The following KLHL20 variants were observed in gnomAD, a reference collection of about 807,000 sequenced individuals.
KLHL20 encodes kelch-like protein 20.
A neutral mutation model predicts 69.5 loss-of-function variants in KLHL20; 29 were observed. The ratio of observed to expected loss-of-function variants is 0.42; its 90% CI spans 0.31 to 0.57. The LOEUF (loss-of-function observed/expected upper bound fraction) is 0.57. Among genes scored for constraint, KLHL20 ranks in the 20% least tolerant of loss-of-function variants. The pLI is 0.18. For synonymous variants in KLHL20, 253 were observed against 265.2 expected (o/e 0.95, Z 0.45); for missense variants, 419 against 776.0 (o/e 0.54, Z 5.47).
chr1:173,735,812 T>G (rs940365727), intron 3 of KLHL20, among the ~76,000 whole-genome samples: 11 of 152,102 alleles, frequency 7.2e-5, no homozygotes, highest in Non-Finnish European at 1.5e-4. Flanking sequence ...CTTTGCATCC[T>G]CATAGCTTAG....
chr1:173,725,062 T>C (rs1273473431), intron 2 of KLHL20, among the ~76,000 whole-genome samples: 2 of 152,124 alleles, frequency 1.3e-5, no homozygotes, highest in Non-Finnish European at 2.9e-5. Flanking sequence ...GGTGAAGTTT[T>C]TCATGATGAC....
At chr1:173,758,011 G>T (rs992513365) in intron 7 of KLHL20, among the ~76,000 whole-genome samples, 1 of 152,188 alleles carries the variant, frequency 6.6e-6, no homozygotes, top group African/African-American at 2.4e-5. Flanking sequence ...AAGTTCTAAA[G>T]ATATAGATTG....
intron 2 of KLHL20, among the ~76,000 whole-genome samples, chr1:173,725,120 T>G (rs61826814): frequency 0.099 from 15,079 of 152,134 alleles, 1,003 homozygotes; most frequent in East Asian, 0.23. Context: ...TCTTGGGCTT[T>G]TAAAAATAGT....
intron 10 of KLHL20, 105 bp from the exon 11 acceptor site, chr1:173,782,019 C>G: frequency 1.4e-6 from 1 of 738,100 alleles, no homozygotes; most frequent in Middle Eastern, 2.6e-4. Flanking sequence ...GAATGTAAGG[C>G]CATAAAGAAT....
Position 173,739,651 on chromosome 1 carries a change from T to C in KLHL20, c.597+5365T>C, listed in dbSNP as rs1237243084. Among the ~76,000 whole-genome samples the C allele has an allele frequency of 2.9e-4, 23 of 79,242 alleles. 1 individual carries two copies. The highest frequency in any genetic ancestry group is 8.3e-4 in the African/African-American group (19 of 22,852). 52.0% of individuals were successfully genotyped at this position (79,242 alleles called of 152,430 possible). A position where few individuals can be genotyped will look rare whatever the true frequency, so the allele number is the denominator to read the frequency against. ...GTATCGGTTGTAATATCTCCCTTTT[T>C]TTTTTTTTTTTTTTTTTGAGATGGA... On this transcript the variant is annotated intron_variant, in intron 3 of 11. Transcript: ENST00000209884.
intron 3 of KLHL20, among the ~76,000 whole-genome samples, chr1:173,747,907 G>T (rs1571890576): frequency 6.8e-6 from 1 of 147,326 alleles, no homozygotes; most frequent in African/African-American, 2.5e-5. Context: ...AAAAAAAAAT[G>T]ATGAAACTCC....
chr1:173,716,059 A>G lies in KLHL20; in HGVS notation c.16A>G (p.Met6Val), dbSNP rs368775231. 8.1e-6 allele frequency: 13 copies of G among 1,613,630 alleles called. No homozygotes were observed. In the East Asian group the frequency reaches 1.1e-4, roughly 14 times the overall value. ...TTCATGGTGCATGGAAGGAAAGCCAATGCGCAGGTAGGCATTTAGGAAGAA... is the reference window on the plus strand; with the variant it reads ...TTCATGGTGCATGGAAGGAAAGCCAGTGCGCAGGTAGGCATTTAGGAAGAA... MEGKP[M>V]RRCTNIRPGE... The change falls in exon 2 of 12, where the codon ATG becomes GTG. Residue 6 changes from methionine to valine, a missense_variant. By Grantham distance (21) the Met-to-Val change is conservative (BLOSUM62 1). This residue lies in a region of KLHL20 where 129 missense variants were observed against 183.6 expected (regional missense o/e 0.70). Coordinates refer to ENST00000209884, the MANE Select transcript of KLHL20 (RefSeq NM_014458.4).
chr1:173,721,022 A>G lies in KLHL20; in HGVS notation c.23+4956A>G, dbSNP rs79987399. Among the ~76,000 whole-genome samples the G allele has an allele frequency of 3.9e-5, 6 of 152,276 alleles. No individual in the cohort carries two copies. The East Asian group carries it at 7.7e-4, about 20-fold the overall frequency. On this transcript the variant is annotated intron_variant, in intron 2 of 11. Transcript: ENST00000209884. ...TAAGAAGGTTCTTCAAGCTGTAGGC[A>G]TAAGTGATGGTAGAACAGAAAAGGA...
At position 173,722,838 on chromosome 1, in the gene KLHL20, C is replaced by T. The variant is rs572303569; in HGVS notation, c.23+6772C>T. 8.6e-5 allele frequency among the ~76,000 whole-genome samples: 13 copies of T among 152,014 alleles called. No individual in the cohort carries two copies. In the East Asian group the frequency reaches 1.2e-3, roughly 14 times the overall value. On this transcript the variant is annotated intron_variant, in intron 2 of 11. Transcript: ENST00000209884. ...CCAAGTAGCTGGGATTACAGGCATG[C>T]GCCACCACATCCAGCTAATTTTTGT...
intron 3 of KLHL20, 85 bp from the exon 4 acceptor site, chr1:173,751,679 C>T: frequency 7.4e-7 from 1 of 1,345,874 alleles, no homozygotes; most frequent in Non-Finnish European, 1.0e-6. Flanking sequence ...TAGAATACAG[C>T]TTTGTCCCAT....
At chr1:173,746,617 G>C (rs995436030) in intron 3 of KLHL20, among the ~76,000 whole-genome samples, 1 of 151,908 alleles carries the variant, frequency 6.6e-6, no homozygotes, top group Non-Finnish European at 1.5e-5. Context: ...CTTTGATTTT[G>C]TATGTGTGTT....
intron 7 of KLHL20, among the ~76,000 whole-genome samples, chr1:173,761,457 CT>C (rs2102513303): frequency 6.6e-6 from 1 of 152,316 alleles, no homozygotes; most frequent in South Asian, 2.1e-4. Context: ...GCTCATGGAA[CT>C]TTCTCCAAGA....
At chr1:173,779,188 T>C (rs549902430) in intron 10 of KLHL20, among the ~76,000 whole-genome samples, 2 of 152,308 alleles carry the variant, frequency 1.3e-5, no homozygotes, top group African/African-American at 2.4e-5. Flanking sequence ...TCTTCATTTC[T>C]TCATTGACCC....
intron 10 of KLHL20, among the ~76,000 whole-genome samples, chr1:173,779,005 C>A (rs144243180): frequency 2.6e-5 from 4 of 151,640 alleles, no homozygotes; most frequent in Non-Finnish European, 4.4e-5. Flanking sequence ...TTGGTTTGTT[C>A]TTTTCTAGTT....
intron 3 of KLHL20, among the ~76,000 whole-genome samples, chr1:173,740,847 G>A (rs914193442): frequency 1.3e-5 from 2 of 151,852 alleles, no homozygotes; most frequent in Non-Finnish European, 2.9e-5. Context: ...AGGAAAATTT[G>A]CACTCAGTCA....
intron 5 of KLHL20, 125 bp downstream of exon 5, chr1:173,753,432 A>C: frequency 1.4e-6 from 1 of 692,796 alleles, no homozygotes. Context: ...TTAATTTAAC[A>C]AGGTTTTCTT....
At chr1:173,752,345 A>G (rs1673353891) in intron 4 of KLHL20, among the ~76,000 whole-genome samples, 1 of 152,228 alleles carries the variant, frequency 6.6e-6, no homozygotes, top group South Asian at 2.1e-4. Flanking sequence ...CTGTTTCCAA[A>G]TAATCAAGGA....
At chr1:173,782,839 A>G (rs1648967889) in intron 11 of KLHL20, among the ~76,000 whole-genome samples, 1 of 152,216 alleles carries the variant, frequency 6.6e-6, no homozygotes, top group South Asian at 2.1e-4. Context: ...AGTAGTTTTT[A>G]TAATTTCACA....
intron 6 of KLHL20, among the ~76,000 whole-genome samples, chr1:173,756,689 T>C (rs1673563459): frequency 6.6e-6 from 1 of 152,244 alleles, no homozygotes; most frequent in South Asian, 2.1e-4. Context: ...TGCATATCCA[T>C]CTATAATTTC....
Sources: gnomAD v4.1 joint callset for allele counts (sites outside exome capture counted in the v4.1 genomes callset) on GRCh38, gnomAD v4.1.1 for gene constraint, gnomAD v4.1.1 regional missense constraint, MANE v1.5 for transcripts, NCBI Gene and HGNC (gene_info 2026-07-23, HGNC 2026-07-21) for gene names.